The following PLAAT1 variants were observed in gnomAD, a reference collection of about 807,000 sequenced individuals.
The protein encoded by PLAAT1 is phospholipase A and acyltransferase 1, also known as H-REV107 protein-related protein.
Under a neutral mutation model 16.4 loss-of-function variants are expected in PLAAT1, and 13 were observed. The ratio of observed to expected loss-of-function variants is 0.79; its 90% CI spans 0.52 to 1.26. The LOEUF is 1.26. Ranked by LOEUF, PLAAT1 falls within the 50% of genes most tolerant of loss-of-function variation. The pLI, the probability that PLAAT1 is intolerant of heterozygous loss-of-function variation, is 0.00. For synonymous variants in PLAAT1, 73 were observed against 78.4 expected (o/e 0.93, Z 0.36); for missense variants, 218 against 207.8 (o/e 1.05, Z -0.30).
At chr3:193,242,879 T>G (rs1715827812) in intron 1 of PLAAT1, among the ~76,000 whole-genome samples, 1 of 152,218 alleles carries the variant, frequency 6.6e-6, no homozygotes, top group African/African-American at 2.4e-5. Flanking sequence ...AGGGGTAGCC[T>G]GTGATCACCT....
rs1577309132 is a variant in PLAAT1, at chr3:193,263,325, A to G, written c.405+90A>G. 1.2e-5 allele frequency: 16 copies of G among 1,289,482 alleles called. No individual in the cohort carries two copies. The East Asian group carries it at 3.8e-4, about 31-fold the overall frequency. The allele number at this position is 1,289,482 out of a possible 1,614,324, so 79.9% of individuals were successfully genotyped here. On this transcript the variant is annotated intron_variant, in intron 3 of 3. Coordinates refer to ENST00000264735, the MANE Select transcript of PLAAT1 (RefSeq NM_020386.5). ...CCCAGGCCTCAAACCAAATGAAAAGAACCAGAAAATACGAGAATACTGAAG... is the reference window on the plus strand; with the variant it reads ...CCCAGGCCTCAAACCAAATGAAAAGGACCAGAAAATACGAGAATACTGAAG...
At chr3:193,243,799 GAAC>G (rs1216320743) in intron 1 of PLAAT1, among the ~76,000 whole-genome samples, 2 of 152,138 alleles carry the variant, frequency 1.3e-5, no homozygotes, top group Non-Finnish European at 2.9e-5. Flanking sequence ...CAGTCTAACA[GAAC>G]AACCTGTCAC....
At chr3:193,269,851 AC>A (rs1441622648) in intron 3 of PLAAT1, among the ~76,000 whole-genome samples, 1 of 152,124 alleles carries the variant, frequency 6.6e-6, no homozygotes, top group East Asian at 1.9e-4. Context: ...GATGATTAAT[AC>A]CCTTAAAGCT....
chr3:193,253,411 T>A (rs1716263792), intron 1 of PLAAT1, among the ~76,000 whole-genome samples: 1 of 152,146 alleles, frequency 6.6e-6, no homozygotes, highest in Non-Finnish European at 1.5e-5. Context: ...CATAAGGAAC[T>A]AAAATCCTAC....
At chr3:193,252,381 T>A (rs1275336065) in intron 1 of PLAAT1, among the ~76,000 whole-genome samples, 1 of 152,214 alleles carries the variant, frequency 6.6e-6, no homozygotes, top group African/African-American at 2.4e-5. Flanking sequence ...CCAAACCATA[T>A]AACCTACATT....
At chr3:193,260,938 A>T (rs572289961) in intron 2 of PLAAT1, among the ~76,000 whole-genome samples, 127 of 152,340 alleles carry the variant, frequency 8.3e-4, no homozygotes, top group African/African-American at 2.9e-3. Context: ...AGGACATAGA[A>T]TCAGTCTTAT....
chr3:193,240,874 G>A (rs1161168332), upstream of PLAAT1, among the ~76,000 whole-genome samples: 1 of 151,502 alleles, frequency 6.6e-6, no homozygotes. Context: ...AGAAGAGTGG[G>A]TGTACTCATG....
At chr3:193,275,176 T>C, downstream of PLAAT1, 2 of 1,614,232 alleles carry the variant, frequency 1.2e-6, no homozygotes, top group Non-Finnish European at 1.7e-6. Flanking sequence ...TAATCTGTCC[T>C]GTTTATGGGA....
At chr3:193,275,096 TC>T (rs1717125167), downstream of PLAAT1, 2 of 1,614,218 alleles carry the variant, frequency 1.2e-6, no homozygotes, top group South Asian at 2.2e-5. Flanking sequence ...ATTTGAGTTT[TC>T]TTTTTGGAAT....
chr3:193,254,764 G>A (rs527682238), intron 1 of PLAAT1, among the ~76,000 whole-genome samples: 16 of 152,226 alleles, frequency 1.1e-4, no homozygotes, highest in African/African-American at 3.9e-4. Context: ...GACAATAAAT[G>A]GGGCAGGAAG....
intron 2 of PLAAT1, chr3:193,276,938 G>C: frequency 1.2e-6 from 1 of 814,432 alleles, no homozygotes; most frequent in Non-Finnish European, 1.9e-6. Context: ...TGAGCTTAGT[G>C]GTGGGCATTA....
chr3:193,246,950 C>A (rs889070807), intron 1 of PLAAT1, among the ~76,000 whole-genome samples: 5 of 152,100 alleles, frequency 3.3e-5, no homozygotes, highest in Admixed American at 6.5e-5. Context: ...TCTTCTTGAG[C>A]ACTTAATGGG....
intron 1 of PLAAT1, among the ~76,000 whole-genome samples, chr3:193,246,726 T>C (rs1036290095): frequency 2.0e-5 from 3 of 152,224 alleles, no homozygotes; most frequent in African/African-American, 7.2e-5. Flanking sequence ...CACTTGATTA[T>C]GGTGAGTGAT....
In PLAAT1 at chr3:193,241,524, T is replaced by G. The variant is rs558949506; in HGVS notation, c.-10T>G. On this transcript the variant is annotated 5_prime_UTR_variant, in exon 1 of 4. Transcript: ENST00000264735. The stretch of plus-strand genomic sequence containing the variant: ...CCGGTGCGAGAAGAAGACCCCGGCT[T>G]GAGAGTGAGGTGTGCTGGGCGGAGT... 13 of 1,231,728 alleles carry G rather than the reference T, an allele frequency of 1.1e-5. No individual in the cohort carries two copies. The South Asian group carries it at 4.9e-4, about 47-fold the overall frequency. 76.3% of individuals were successfully genotyped at this position (1,231,728 alleles called of 1,614,324 possible). A position where few individuals can be genotyped will look rare whatever the true frequency, so the allele number is the denominator to read the frequency against.
rs975915092 is a variant in PLAAT1, at chr3:193,241,234, T to G, written c.-300T>G. The G allele has an allele frequency of 2.8e-5, 34 of 1,224,660 alleles. No homozygotes were observed. The African/African-American group carries it at 3.0e-4, about 11-fold the overall frequency. 75.9% of individuals were successfully genotyped at this position (1,224,660 alleles called of 1,614,324 possible). On this transcript the variant is annotated 5_prime_UTR_variant, in exon 1 of 4. Coordinates refer to ENST00000264735, the MANE Select transcript of PLAAT1 (RefSeq NM_020386.5). ...GCGGCTCCCCATGGTCAGAGCCTCG[T>G]GCCGGCTCGGCAGCGCCCGGACGCC...
chr3:193,264,290 A>G (rs894278136), intron 3 of PLAAT1, among the ~76,000 whole-genome samples: 1 of 152,130 alleles, frequency 6.6e-6, no homozygotes, highest in African/African-American at 2.4e-5. Flanking sequence ...TGTTATTTAA[A>G]CGCTGCACCT....
At chr3:193,246,395 T>C (rs10937574) in intron 1 of PLAAT1, among the ~76,000 whole-genome samples, 137,365 of 152,082 alleles carry the variant, frequency 0.9, 62,257 homozygotes, top group East Asian at 0.98. Flanking sequence ...GACAGAGTCT[T>C]ACTCTGTCAC....
At chr3:193,256,170 G>A (rs1351964541) in intron 2 of PLAAT1, among the ~76,000 whole-genome samples, 2 of 152,136 alleles carry the variant, frequency 1.3e-5, no homozygotes, top group Non-Finnish European at 2.9e-5. Context: ...TCTAAGTGCT[G>A]GGGGTATACA....
At position 193,270,767 on chromosome 3, in the gene PLAAT1, G is replaced by A. The variant is rs1206151005; in HGVS notation, c.*62G>A. ...GGGAGGAGGAAAAGAAACCTGGGGTGAATACTTATTTTCAGTGCATCATTA... is the reference window on the plus strand; with the variant it reads ...GGGAGGAGGAAAAGAAACCTGGGGTAAATACTTATTTTCAGTGCATCATTA... On this transcript the variant is annotated 3_prime_UTR_variant, in exon 4 of 4. Coordinates refer to ENST00000264735, the MANE Select transcript of PLAAT1 (RefSeq NM_020386.5). 6.4e-7 allele frequency: 1 copy of A among 1,572,536 alleles called. No homozygotes were observed. Among genetic ancestry groups the A allele is most frequent in the Non-Finnish European group, 8.6e-7 (1 of 1,158,396 alleles).
Sources: gnomAD v4.1 joint callset for allele counts (sites outside exome capture counted in the v4.1 genomes callset) on GRCh38, gnomAD v4.1.1 for gene constraint, MANE v1.5 for transcripts, NCBI Gene and HGNC (gene_info 2026-07-23, HGNC 2026-07-21) for gene names.